ERC1: variants seen among roughly 807,000 people sequenced by gnomAD.
ERC1 encodes ELKS/RAB6-interacting/CAST family member 1.
Under a neutral mutation model 132.0 loss-of-function variants are expected in ERC1, and 56 were observed. The ratio of observed to expected loss-of-function variants is 0.42; its 90% CI spans 0.34 to 0.53. The LOEUF (loss-of-function observed/expected upper bound fraction) is 0.53. ERC1 is among the 20% of genes least tolerant of loss of function. The pLI, the probability that ERC1 is intolerant of heterozygous loss-of-function variation, is 0.03. For missense variants in ERC1, 1,202 were observed against 1,349.9 expected (o/e 0.89, Z 1.72); for synonymous variants, 478 against 476.1 (o/e 1.00, Z -0.05).
intron 15 of ERC1, among the ~76,000 whole-genome samples, chr12:1,333,165 A>C (rs2083013404): frequency 6.6e-6 from 1 of 150,476 alleles, no homozygotes; most frequent in African/African-American, 2.5e-5. Flanking sequence ...GCGTGTTCTC[A>C]TCATTTAGCT....
chr12:1,464,142 T>G (rs2093696433), intron 18 of ERC1, among the ~76,000 whole-genome samples: 1 of 152,216 alleles, frequency 6.6e-6, no homozygotes, highest in African/African-American at 2.4e-5. Flanking sequence ...TCACTCCCGA[T>G]GGATGTGAGA....
At position 1,021,653 on chromosome 12, in the gene ERC1, C is replaced by T. The variant is rs191384435; in HGVS notation, c.-156-6095C>T. Among the ~76,000 whole-genome samples, 1,146 of 150,562 alleles carry T rather than the reference C, an allele frequency of 7.6e-3. 7 individuals are homozygous for T. The highest frequency in any genetic ancestry group is 0.013 in the Non-Finnish European group (869 of 67,714). ...GGCGGAGCTTGCAGTGAGCCCAGAT[C>T]GCACCACTGCACTCCAGCCTGGGCG... On this transcript the variant is annotated intron_variant, in intron 1 of 18. Coordinates refer to ENST00000360905, the MANE Select transcript of ERC1 (RefSeq NM_178040.4).
At chr12:1,294,171 C>T (rs957650291) in intron 15 of ERC1, among the ~76,000 whole-genome samples, 1 of 152,114 alleles carries the variant, frequency 6.6e-6, no homozygotes. Context: ...TGCTTTTATA[C>T]GGCCCACCCT....
At chr12:1,224,880 A>G (rs546693948) in intron 12 of ERC1, among the ~76,000 whole-genome samples, 1 of 152,164 alleles carries the variant, frequency 6.6e-6, no homozygotes, top group African/African-American at 2.4e-5. Flanking sequence ...AGTCCCGGCT[A>G]CTTGGGAGGC....
intron 16 of ERC1, among the ~76,000 whole-genome samples, chr12:1,373,922 A>G (rs886925305): frequency 2.0e-5 from 3 of 152,244 alleles, no homozygotes; most frequent in South Asian, 2.1e-4. Context: ...TGTGTCCTGT[A>G]TGAAGAGAAA....
chr12:1,401,125 C>CG (rs1353747460), intron 16 of ERC1, among the ~76,000 whole-genome samples: 1 of 149,602 alleles, frequency 6.7e-6, no homozygotes, highest in Admixed American at 6.6e-5. Context: ...TTAGTAGAGA[C>CG]GGGGTTTCAC....
At chr12:1,282,095 C>T (rs866096237) in intron 14 of ERC1, among the ~76,000 whole-genome samples, 1 of 151,928 alleles carries the variant, frequency 6.6e-6, no homozygotes, top group African/African-American at 2.4e-5. Flanking sequence ...CACACTGATA[C>T]GTTTCCACTC....
chr12:1,398,746 C>G (rs1465401758), intron 16 of ERC1, among the ~76,000 whole-genome samples: 1 of 151,966 alleles, frequency 6.6e-6, no homozygotes, highest in Non-Finnish European at 1.5e-5. Context: ...ATCAAGGCAC[C>G]AGCAGGTTTG....
chr12:1,420,487 G>A (rs548921499), intron 17 of ERC1, among the ~76,000 whole-genome samples: 8 of 151,818 alleles, frequency 5.3e-5, no homozygotes, highest in African/African-American at 9.7e-5. Context: ...ACGGAGTCTC[G>A]CTCTGTCACC....
intron 1 of ERC1, among the ~76,000 whole-genome samples, chr12:1,004,906 T>C (rs1450008325): frequency 6.6e-6 from 1 of 151,840 alleles, no homozygotes; most frequent in Non-Finnish European, 1.5e-5. Flanking sequence ...TTCAGGTTGC[T>C]GAACTTTTCA....
intron 18 of ERC1, among the ~76,000 whole-genome samples, chr12:1,469,647 G>T (rs1222855482): frequency 3.9e-5 from 6 of 152,196 alleles, no homozygotes; most frequent in Admixed American, 1.3e-4. Context: ...TTAAGCATTC[G>T]TTGAGCCAGA....
At chr12:1,214,491 AAC>A (rs1482938403) in intron 12 of ERC1, among the ~76,000 whole-genome samples, 1 of 152,160 alleles carries the variant, frequency 6.6e-6, no homozygotes, top group Non-Finnish European at 1.5e-5. Flanking sequence ...ATAAACATAT[AAC>A]ACATAACTTC....
intron 2 of ERC1, among the ~76,000 whole-genome samples, chr12:1,082,432 G>T (rs1159077217): frequency 6.7e-6 from 1 of 148,862 alleles, no homozygotes; most frequent in Non-Finnish European, 1.5e-5. Context: ...GGGATTATAG[G>T]TGTGAGCCCC....
chr12:1,401,079 A>G (rs373311841), intron 16 of ERC1, among the ~76,000 whole-genome samples: 72 of 150,552 alleles, frequency 4.8e-4, no homozygotes, highest in African/African-American at 1.1e-3. Flanking sequence ...GGGACTACAG[A>G]CGCCCACCGC....
At chr12:1,030,648 G>T (rs1967846472) in intron 2 of ERC1, among the ~76,000 whole-genome samples, 1 of 152,154 alleles carries the variant, frequency 6.6e-6, no homozygotes, top group South Asian at 2.1e-4. Context: ...CTGAGCCTGG[G>T]AGGTCGAGGC....
At chr12:1,253,411 T>A (rs1594564353) in intron 13 of ERC1, among the ~76,000 whole-genome samples, 1 of 152,176 alleles carries the variant, frequency 6.6e-6, no homozygotes, top group Non-Finnish European at 1.5e-5. Flanking sequence ...GTGTGGTGGC[T>A]CACACCTGTA....
intron 1 of ERC1, among the ~76,000 whole-genome samples, chr12:1,026,792 G>C (rs1337103612): frequency 6.6e-6 from 1 of 152,142 alleles, no homozygotes; most frequent in Non-Finnish European, 1.5e-5. Flanking sequence ...TGCTGTTGAG[G>C]GCTGTCTTCC....
chr12:1,299,082 G>C (rs2080196159), intron 15 of ERC1, among the ~76,000 whole-genome samples: 1 of 152,084 alleles, frequency 6.6e-6, no homozygotes, highest in Non-Finnish European at 1.5e-5. Flanking sequence ...GTCATTACTG[G>C]GGATTTTGAC....
At chr12:1,477,563 T>C (rs972139156) in intron 18 of ERC1, among the ~76,000 whole-genome samples, 3 of 152,164 alleles carry the variant, frequency 2.0e-5, no homozygotes, top group African/African-American at 7.2e-5. Context: ...AGCAGGTGTT[T>C]TCAGGGTCAG....
Sources: allele counts gnomAD v4.1 joint callset (sites outside exome capture counted in the v4.1 genomes callset), GRCh38; gene constraint gnomAD v4.1.1; transcripts MANE v1.5; gene names NCBI Gene and HGNC (gene_info 2026-07-23, HGNC 2026-07-21).